IQGAP2: variants seen among roughly 807,000 people sequenced by gnomAD.
IQGAP2 encodes the protein ras GTPase-activating-like protein IQGAP2.
IQGAP2 carries 173 observed loss-of-function variants against 201.3 expected under a neutral mutation model. That is an observed-to-expected ratio of 0.86 (90% confidence interval 0.76 to 0.98). The LOEUF is 0.98. Among genes scored for constraint, IQGAP2 ranks in the 50% least tolerant of loss-of-function variants. IQGAP2 has a pLI of 0.00. For synonymous variants in IQGAP2, 675 were observed against 673.9 expected, an observed-to-expected ratio of 1.00 and a Z score of -0.03; for missense variants, 1,687 against 1,864.8, an observed-to-expected ratio of 0.90 and a Z score of 1.76.
chr5:76,697,634 T>TA (rs576969780), intron 32 of IQGAP2, among the ~76,000 whole-genome samples: 7 of 149,392 alleles, frequency 4.7e-5, no homozygotes, highest in African/African-American at 1.5e-4. Context: ...AGACTATGTC[T>TA]AAAAAAAAAA....
chr5:76,637,299 A>C, intron 16 of IQGAP2, 123 bp downstream of exon 16: 1 of 765,424 alleles, frequency 1.3e-6, no homozygotes, highest in Non-Finnish European at 2.0e-6. Flanking sequence ...TGGATATGTA[A>C]TAAAGTCTTC....
chr5:76,560,399 C>T (rs1394614381), intron 2 of IQGAP2, among the ~76,000 whole-genome samples: 1 of 151,808 alleles, frequency 6.6e-6, no homozygotes, highest in Non-Finnish European at 1.5e-5. Flanking sequence ...TCAAGCAATC[C>T]TCCCACCTCA....
At chr5:76,684,056 A>G (rs1197409943) in intron 30 of IQGAP2, 139 bp downstream of exon 30, 1 of 654,678 alleles carries the variant, frequency 1.5e-6, no homozygotes, top group Admixed American at 3.8e-5. Flanking sequence ...TCAAACATCT[A>G]ACCAAAGGAT....
intron 1 of IQGAP2, among the ~76,000 whole-genome samples, chr5:76,443,028 A>G (rs1437548559): frequency 6.6e-6 from 1 of 152,108 alleles, no homozygotes; most frequent in African/African-American, 2.4e-5. Context: ...TAATAATATG[A>G]TACCGGAATA....
At chr5:76,442,724 C>T (rs1420826585) in intron 1 of IQGAP2, among the ~76,000 whole-genome samples, 1 of 152,210 alleles carries the variant, frequency 6.6e-6, no homozygotes, top group Non-Finnish European at 1.5e-5. Context: ...CAGTGGTTCA[C>T]ACCTGTAATC....
chr5:76,631,562 A>T (rs1271741290), intron 14 of IQGAP2, among the ~76,000 whole-genome samples: 1 of 152,140 alleles, frequency 6.6e-6, no homozygotes, highest in African/African-American at 2.4e-5. Flanking sequence ...GTTCGTGTGT[A>T]TTCACCCCAT....
chr5:76,423,265 G>C (rs901333558), intron 1 of IQGAP2, among the ~76,000 whole-genome samples: 1 of 152,198 alleles, frequency 6.6e-6, no homozygotes, highest in Non-Finnish European at 1.5e-5. Flanking sequence ...CAGGGAAGAA[G>C]CTGTGAGTTA....
At position 76,452,659 on chromosome 5, in the gene IQGAP2, A is replaced by G. The variant is rs546892748; in HGVS notation, c.47-8911A>G. Among the ~76,000 whole-genome samples the G allele has an allele frequency of 1.2e-4, 19 of 152,310 alleles. No homozygotes were observed. The South Asian group carries it at 3.5e-3, about 28-fold the overall frequency. On this transcript the variant is annotated intron_variant, in intron 1 of 35. Coordinates refer to ENST00000274364, the MANE Select transcript of IQGAP2 (RefSeq NM_006633.5). The stretch of plus-strand genomic sequence containing the variant: ...TAACAAGATATCTATAATAATAGCG[A>G]CACTCTCAGAAAAGCAACACCCTCA...
chr5:76,504,482 G>A (rs1263301102), intron 2 of IQGAP2, among the ~76,000 whole-genome samples: 1 of 152,082 alleles, frequency 6.6e-6, no homozygotes, highest in South Asian at 2.1e-4. Context: ...GCTTCAGTCT[G>A]TACCTTCTCT....
intron 1 of IQGAP2, among the ~76,000 whole-genome samples, chr5:76,432,484 C>T (rs1752430341): frequency 6.6e-6 from 1 of 152,114 alleles, no homozygotes; most frequent in Non-Finnish European, 1.5e-5. Flanking sequence ...ATCACATACC[C>T]CTCAAGCTAA....
At chr5:76,470,917 C>G (rs1755062039) in intron 2 of IQGAP2, among the ~76,000 whole-genome samples, 1 of 152,150 alleles carries the variant, frequency 6.6e-6, no homozygotes, top group South Asian at 2.1e-4. Context: ...GAAATGTCCT[C>G]TCTGATGCCA....
intron 2 of IQGAP2, among the ~76,000 whole-genome samples, chr5:76,496,735 TTC>T (rs1283227908): frequency 2.5e-5 from 1 of 40,752 alleles, no homozygotes; most frequent in African/African-American, 1.3e-4. Flanking sequence ...TTTTCTTTCT[TTC>T]TTTCTTTCTT....
At chr5:76,416,651 C>A (rs998656383) in intron 1 of IQGAP2, among the ~76,000 whole-genome samples, 4 of 152,050 alleles carry the variant, frequency 2.6e-5, no homozygotes, top group African/African-American at 9.7e-5. Flanking sequence ...CCTCAGCCTC[C>A]CAAGTAGCTG....
intron 2 of IQGAP2, among the ~76,000 whole-genome samples, chr5:76,532,601 G>A (rs947355948): frequency 6.6e-6 from 1 of 152,122 alleles, no homozygotes; most frequent in Non-Finnish European, 1.5e-5. Flanking sequence ...GTGCTCATGA[G>A]GGTTCTTCAA....
At chr5:76,620,463 C>T (rs1299400674) in intron 13 of IQGAP2, among the ~76,000 whole-genome samples, 5 of 152,100 alleles carry the variant, frequency 3.3e-5, no homozygotes. Flanking sequence ...ATGCCATTAA[C>T]TGAGTTGGAG....
At chr5:76,568,121 A>G (rs139444000) in intron 3 of IQGAP2, among the ~76,000 whole-genome samples, 11 of 152,336 alleles carry the variant, frequency 7.2e-5, no homozygotes, top group Non-Finnish European at 1.2e-4. Flanking sequence ...TGACAATGTT[A>G]TTGCTGCAAT....
intron 11 of IQGAP2, among the ~76,000 whole-genome samples, chr5:76,603,357 G>A (rs1747564577): frequency 6.6e-6 from 1 of 152,184 alleles, no homozygotes. Flanking sequence ...GTGGTTAAAG[G>A]AGCATATGCC....
In IQGAP2 at chr5:76,610,966, A is replaced by C. The variant is rs1748350596; in HGVS notation, c.1358-54A>C. On this transcript the variant is annotated intron_variant, in intron 12 of 35. Coordinates refer to ENST00000274364, the MANE Select transcript of IQGAP2 (RefSeq NM_006633.5). ...TAGCCTTTTGCAATCGGTGATACTA[A>C]AGAAGTTATAATGTACTGTGACTTA... 3 of 1,463,436 alleles carry C rather than the reference A, an allele frequency of 2.0e-6. No individual in the cohort carries two copies. In the Admixed American group the frequency reaches 6.0e-5, roughly 30 times the overall value. The allele number at this position is 1,463,436 out of a possible 1,614,324, so 90.7% of individuals were successfully genotyped here. A position where few individuals can be genotyped will look rare whatever the true frequency, so the allele number is the denominator to read the frequency against.
At chr5:76,525,215 A>G (rs1255518356) in intron 2 of IQGAP2, among the ~76,000 whole-genome samples, 4 of 152,176 alleles carry the variant, frequency 2.6e-5, no homozygotes, top group Non-Finnish European at 4.4e-5. Context: ...TCATGATACT[A>G]TTTTTTGTTT....
Sources: allele counts gnomAD v4.1 joint callset (sites outside exome capture counted in the v4.1 genomes callset), GRCh38; gene constraint gnomAD v4.1.1; transcripts MANE v1.5; gene names NCBI Gene and HGNC (gene_info 2026-07-23, HGNC 2026-07-21).